The following SERPINE2 variants were observed in gnomAD, a reference collection of about 807,000 sequenced individuals.
SERPINE2 encodes the protein glia-derived nexin.
SERPINE2 carries 14 observed loss-of-function variants against 36.3 expected under a neutral mutation model. That is an observed-to-expected ratio of 0.39 (90% CI 0.25 to 0.60). The LOEUF (loss-of-function observed/expected upper bound fraction) is 0.60, where lower values mean the gene tolerates loss of function less well. Among genes scored for constraint, SERPINE2 ranks in the 20% least tolerant of loss-of-function variants. The pLI is 0.57. For synonymous variants in SERPINE2, 192 were observed against 191.8 expected, an observed-to-expected ratio of 1.00 and a Z score of -0.01; for missense variants, 418 against 499.6, an observed-to-expected ratio of 0.84 and a Z score of 1.56.
chr2:224,016,550 A>AT (rs1181147126), intron 1 of SERPINE2, among the ~76,000 whole-genome samples: 19 of 150,708 alleles, frequency 1.3e-4, no homozygotes, highest in Admixed American at 7.3e-4. Flanking sequence ...TTTATTATTT[A>AT]TTTTTTTTTA....
intron 1 of SERPINE2, among the ~76,000 whole-genome samples, chr2:224,017,519 T>C (rs576296538): frequency 2.6e-5 from 4 of 152,310 alleles, no homozygotes; most frequent in Admixed American, 6.5e-5. Flanking sequence ...ATTTGACTTA[T>C]AACAGTATTA....
intron 1 of SERPINE2, among the ~76,000 whole-genome samples, chr2:224,016,216 T>C (rs2106185628): frequency 6.6e-6 from 1 of 152,294 alleles, no homozygotes; most frequent in South Asian, 2.1e-4. Flanking sequence ...AACAGTTTGG[T>C]AGGTCAGGTG....
At chr2:224,021,747 C>T (rs13382587) in intron 1 of SERPINE2, among the ~76,000 whole-genome samples, 24 of 152,176 alleles carry the variant, frequency 1.6e-4, no homozygotes, top group African/African-American at 4.6e-4. Flanking sequence ...AAAGTTAAGG[C>T]GGGTACAGTG....
intron 1 of SERPINE2, among the ~76,000 whole-genome samples, chr2:224,038,321 G>T (rs959398440): frequency 6.6e-6 from 1 of 151,960 alleles, no homozygotes; most frequent in Non-Finnish European, 1.5e-5. Flanking sequence ...CACACACAAA[G>T]AATGTGTTTC....
chr2:223,977,687 C>T, intron 7 of SERPINE2, 60 bp from the exon 8 acceptor site: 2 of 1,159,548 alleles, frequency 1.7e-6, no homozygotes, highest in Admixed American at 1.7e-5. Flanking sequence ...AAGCATAAGG[C>T]CAGCAAGTTA....
chr2:223,986,126 G>A (rs919908362), intron 4 of SERPINE2, among the ~76,000 whole-genome samples: 1 of 152,206 alleles, frequency 6.6e-6, no homozygotes, highest in Non-Finnish European at 1.5e-5. Flanking sequence ...AGGGAGAGAT[G>A]AAGAGAAAGA....
At chr2:223,980,537 G>A (rs1054952689) in intron 6 of SERPINE2, 140 bp from the exon 7 acceptor site, 1 of 658,744 alleles carries the variant, frequency 1.5e-6, no homozygotes, top group African/African-American at 1.8e-5. Flanking sequence ...TGACAGTCCT[G>A]GTGTTGAAGG....
intron 1 of SERPINE2, among the ~76,000 whole-genome samples, chr2:224,033,212 TGGA>T (rs1385378612): frequency 6.6e-6 from 1 of 152,192 alleles, no homozygotes; most frequent in Non-Finnish European, 1.5e-5. Context: ...CATTTATGTG[TGGA>T]GAACAGGTTG....
intron 1 of SERPINE2, among the ~76,000 whole-genome samples, chr2:224,016,518 AAAAAT>A (rs1691805528): frequency 1.3e-5 from 2 of 152,174 alleles, no homozygotes; most frequent in African/African-American, 2.4e-5. Context: ...AAAAAAAAAA[AAAAAT>A]AGTTTGGTAG....
chr2:223,998,091 A>C (rs1690963836), intron 3 of SERPINE2, 24 bp downstream of exon 3: 1 of 1,574,732 alleles, frequency 6.4e-7, no homozygotes, highest in African/African-American at 1.4e-5. Flanking sequence ...CTATGCAATC[A>C]AATGACATAC....
Position 224,001,627 on chromosome 2 carries a change from A to G in SERPINE2, c.259+15T>C. ...CAGGCAAAGGCTCCGCCAGTGAGCA[A>G]TTGTGCACACGCACCATTTACGCCG... On this transcript the variant is annotated intron_variant, in intron 2 of 8. Coordinates refer to ENST00000409304, the MANE Select transcript of SERPINE2 (RefSeq NM_001136528.2). The G allele has an allele frequency of 6.2e-7, 1 of 1,607,342 alleles. No homozygotes were observed. The highest frequency in any genetic ancestry group is 8.5e-7 in the Non-Finnish European group (1 of 1,176,028).
intron 1 of SERPINE2, among the ~76,000 whole-genome samples, chr2:224,013,406 G>A (rs1425756546): frequency 2.6e-5 from 4 of 152,088 alleles, no homozygotes; most frequent in Admixed American, 6.5e-5. Context: ...TGCACAGGGC[G>A]GTTTGGAGAC....
intron 1 of SERPINE2, among the ~76,000 whole-genome samples, chr2:224,028,539 G>T (rs1692258116): frequency 6.6e-6 from 1 of 152,132 alleles, no homozygotes; most frequent in Non-Finnish European, 1.5e-5. Context: ...TAGCGTTTCA[G>T]GATCCAAAGT....
At chr2:224,017,997 C>T (rs939732199) in intron 1 of SERPINE2, among the ~76,000 whole-genome samples, 1 of 152,180 alleles carries the variant, frequency 6.6e-6, no homozygotes, top group Non-Finnish European at 1.5e-5. Context: ...TCCTTTATTT[C>T]TTTGTTATTA....
chr2:224,034,960 C>T (rs1431835132), intron 1 of SERPINE2, among the ~76,000 whole-genome samples: 1 of 152,200 alleles, frequency 6.6e-6, no homozygotes, highest in Non-Finnish European at 1.5e-5. Context: ...GCTCATCTTT[C>T]AATCTTGAGA....
intron 1 of SERPINE2, chr2:224,013,911 C>G (rs1390742237): frequency 1.3e-5 from 2 of 152,312 alleles, no homozygotes; most frequent in African/African-American, 4.8e-5. Context: ...CCACCTCCAG[C>G]TGCCAAACTT....
chr2:224,006,017 T>C (rs1204796792), intron 1 of SERPINE2, among the ~76,000 whole-genome samples: 2 of 152,236 alleles, frequency 1.3e-5, no homozygotes, highest in African/African-American at 2.4e-5. Context: ...GGTACTGCTT[T>C]GAGTTTTAAC....
At chr2:224,009,734 T>G (rs937388987) in intron 1 of SERPINE2, among the ~76,000 whole-genome samples, 10 of 152,010 alleles carry the variant, frequency 6.6e-5, no homozygotes, top group African/African-American at 2.4e-4. Flanking sequence ...CAGGCAAGGT[T>G]TGTGGCTGCC....
At chr2:224,028,549 T>G (rs545105841) in intron 1 of SERPINE2, among the ~76,000 whole-genome samples, 1 of 152,284 alleles carries the variant, frequency 6.6e-6, no homozygotes, top group African/African-American at 2.4e-5. Context: ...GGATCCAAAG[T>G]GTCCACCACA....
Sources: gnomAD v4.1 joint callset for allele counts (sites outside exome capture counted in the v4.1 genomes callset) on GRCh38, gnomAD v4.1.1 for gene constraint, MANE v1.5 for transcripts, NCBI Gene and HGNC (gene_info 2026-07-23, HGNC 2026-07-21) for gene names.